Variants in PCDHGA4 observed in about 807,000 individuals in gnomAD.
PCDHGA4 encodes protocadherin gamma-A4.
A neutral mutation model predicts 54.6 loss-of-function variants in PCDHGA4; 38 were observed. That is an observed-to-expected ratio of 0.70 (90% CI 0.54 to 0.91). PCDHGA4 has a LOEUF of 0.91. Among genes scored for constraint, PCDHGA4 ranks in the 40% least tolerant of loss-of-function variants. The pLI is 0.00. For missense variants in PCDHGA4, 1,298 were observed against 1,220.9 expected, an observed-to-expected ratio of 1.06 and a Z score of -0.94; for synonymous variants, 511 against 512.9, an observed-to-expected ratio of 1.00 and a Z score of 0.05.
In PCDHGA4 at chr5:141,421,903, G is replaced by T. The variant is rs757656265; in HGVS notation, c.2514+64282G>T. 2.5e-6 allele frequency: 4 copies of T among 1,613,704 alleles called. No homozygotes were observed. In the East Asian group the frequency reaches 6.7e-5, roughly 27 times the overall value. ...TGGAGGCGATCCCATCCGAAAGGGCGCAGTTCCCATTCGTGTGGTGGTCCT... is the reference window on the plus strand; with the variant it reads ...TGGAGGCGATCCCATCCGAAAGGGCTCAGTTCCCATTCGTGTGGTGGTCCT... On this transcript the variant is annotated intron_variant, in intron 1 of 3. Transcript: ENST00000571252.
intron 1 of PCDHGA4, among the ~76,000 whole-genome samples, chr5:141,433,482 C>T (rs935076625): frequency 3.3e-5 from 5 of 152,110 alleles, no homozygotes; most frequent in African/African-American, 9.6e-5. Flanking sequence ...TAGCCTCCTG[C>T]TTCTCCCTCC....
At chr5:141,417,710 TC>T (rs1471403767) in intron 1 of PCDHGA4, 1 of 1,249,228 alleles carries the variant, frequency 8.0e-7, no homozygotes, top group Non-Finnish European at 1.1e-6. Flanking sequence ...ACACAGAGGC[TC>T]CCGGCTGCGC....
chr5:141,435,396 G>A (rs562717014), intron 1 of PCDHGA4, among the ~76,000 whole-genome samples: 46 of 152,096 alleles, frequency 3.0e-4, no homozygotes, highest in African/African-American at 9.4e-4. Context: ...TTGCCATGAC[G>A]AAAAATGGTA....
chr5:141,420,205 C>T (rs776838072), intron 1 of PCDHGA4: 14 of 1,612,942 alleles, frequency 8.7e-6, no homozygotes, highest in African/African-American at 1.3e-5. Context: ...ATAACCTCAA[C>T]AAAGATAGCA....
At chr5:141,496,509 C>A (rs955577717) in intron 2 of PCDHGA4, among the ~76,000 whole-genome samples, 3 of 152,168 alleles carry the variant, frequency 2.0e-5, no homozygotes, top group Non-Finnish European at 4.4e-5. Context: ...GCCACAAGGA[C>A]CCAGGAGCCC....
At chr5:141,385,452 G>C in intron 1 of PCDHGA4, 2 of 1,446,532 alleles carry the variant, frequency 1.4e-6, no homozygotes, top group Non-Finnish European at 1.8e-6. Context: ...GAGTTTACCA[G>C]TTTCCTTCAG....
intron 1 of PCDHGA4, chr5:141,399,997 A>C (rs2093936203): frequency 6.2e-7 from 1 of 1,612,226 alleles, no homozygotes; most frequent in African/African-American, 1.3e-5. Context: ...AGAGGTGCGC[A>C]CAGCGCGTGC....
intron 1 of PCDHGA4, chr5:141,374,095 G>C (rs774100259): frequency 6.4e-7 from 1 of 1,556,900 alleles, no homozygotes. Context: ...TGGCGCCTCC[G>C]CAGAGGCATC....
At chr5:141,418,823 A>G (rs985060966) in intron 1 of PCDHGA4, 7 of 1,613,868 alleles carry the variant, frequency 4.3e-6, no homozygotes, top group Admixed American at 3.3e-5. Context: ...CATAGAAGCA[A>G]AAGACCGAGG....
chr5:141,361,040 C>A, intron 1 of PCDHGA4: 1 of 1,613,336 alleles, frequency 6.2e-7, no homozygotes. Context: ...GGAGAAATCA[C>A]GACAAAGGAT....
rs369406530 is a variant in PCDHGA4, at chr5:141,393,504, A to C, written c.2514+35883A>C. On this transcript the variant is annotated intron_variant, in intron 1 of 3. Transcript: ENST00000571252. ...CTCTAGCACAGTGCGCATCCACGTG[A>C]CAGTGTTGGATACAAATGACAATGC... 16 of 1,613,918 alleles carry C rather than the reference A, an allele frequency of 9.9e-6. No individual in the cohort carries two copies. In the African/African-American group the frequency reaches 2.0e-4, roughly 20 times the overall value.
chr5:141,388,256 G>T, intron 1 of PCDHGA4: 1 of 1,611,074 alleles, frequency 6.2e-7, no homozygotes, highest in Non-Finnish European at 8.5e-7. Flanking sequence ...TGGAGATCGA[G>T]GACATTAATG....
intron 1 of PCDHGA4, among the ~76,000 whole-genome samples, chr5:141,443,765 A>G (rs577762947): frequency 6.6e-6 from 1 of 152,340 alleles, no homozygotes; most frequent in East Asian, 1.9e-4. Context: ...TACAATATAC[A>G]ATATTACCAA....
chr5:141,438,579 CATACATACATACATAT>C (rs1360889040), intron 1 of PCDHGA4, among the ~76,000 whole-genome samples: 18 of 55,776 alleles, frequency 3.2e-4, no homozygotes, highest in Non-Finnish European at 5.1e-4. Context: ...GATATACATA[CATACATACATACATAT>C]ATATATATAT....
At chr5:141,404,815 G>A in intron 1 of PCDHGA4, 2 of 1,610,532 alleles carry the variant, frequency 1.2e-6, no homozygotes, top group South Asian at 1.1e-5. Flanking sequence ...CGGTGGGGCT[G>A]CACACAGGTG....
At chr5:141,365,669 G>C (rs1304025932) in intron 1 of PCDHGA4, 1 of 1,613,344 alleles carries the variant, frequency 6.2e-7, no homozygotes, top group Admixed American at 1.7e-5. Flanking sequence ...AGACGTTAAT[G>C]ACAACCCACC....
In PCDHGA4 at chr5:141,355,394, G is replaced by A. The variant is rs1759832826; in HGVS notation, c.287G>A (p.Arg96His). 1 of 1,614,058 alleles carries A rather than the reference G, an allele frequency of 6.2e-7. No homozygotes were observed. Among genetic ancestry groups the A allele is most frequent in the Non-Finnish European group, 8.5e-7 (1 of 1,179,916 alleles). ...CGGGAGCTGGCGGAGCGCGGAGTCCGCATCGTCTCCAGAGGTAGGACGCAG... is the reference window on the plus strand; with the variant it reads ...CGGGAGCTGGCGGAGCGCGGAGTCCACATCGTCTCCAGAGGTAGGACGCAG... Reference protein sequence around the residue: ...APRELAERGVRIVSRGRTQLF... With the variant: ...APRELAERGVHIVSRGRTQLF... The change falls in exon 1 of 4, where the codon CGC (arginine) becomes CAC (histidine). Residue 96 changes from arginine (R) to histidine (H), a missense_variant. Arg to His is a conservative substitution (Grantham distance 29). Transcript: ENST00000571252.
At chr5:141,471,637 T>C (rs1284100810) in intron 1 of PCDHGA4, 2 of 152,198 alleles carry the variant, frequency 1.3e-5, no homozygotes, top group Non-Finnish European at 2.9e-5. Context: ...TATGGATTAG[T>C]AATATACTGG....
At position 141,371,682 on chromosome 5, in the gene PCDHGA4, C is replaced by T. The variant is rs752117459; in HGVS notation, c.2514+14061C>T. 12 of 1,613,918 alleles carry T rather than the reference C, an allele frequency of 7.4e-6. No homozygotes were observed. In the African/African-American group the frequency reaches 1.6e-4, roughly 22 times the overall value. On this transcript the variant is annotated intron_variant, in intron 1 of 3. Transcript: ENST00000571252. Reference sequence around the variant, plus strand: ...GATCACAGCTACCGACAAAGGCAATCCACCGCTCTCCTCCAGCAAGACCAT... The same window carrying T: ...GATCACAGCTACCGACAAAGGCAATTCACCGCTCTCCTCCAGCAAGACCAT...
Sources: gnomAD v4.1 joint callset for allele counts (sites outside exome capture counted in the v4.1 genomes callset) on GRCh38, gnomAD v4.1.1 for gene constraint, MANE v1.5 for transcripts, NCBI Gene and HGNC (gene_info 2026-07-23, HGNC 2026-07-21) for gene names.